The following PPIG variants were observed in gnomAD, a reference collection of about 807,000 sequenced individuals.
PPIG encodes peptidyl-prolyl cis-trans isomerase G.
A neutral mutation model predicts 87.9 loss-of-function variants in PPIG; 26 were observed. That is an observed-to-expected ratio of 0.30 (90% CI 0.22 to 0.41). PPIG has a LOEUF of 0.41. PPIG is among the 10% of genes least tolerant of loss of function. The pLI is 1.00. For synonymous variants in PPIG, 308 were observed against 276.5 expected, an observed-to-expected ratio of 1.11 and a Z score of -1.13; for missense variants, 722 against 879.4, an observed-to-expected ratio of 0.82 and a Z score of 2.26.
At chr2:169,611,951 A>G (rs562571682) in intron 7 of PPIG, among the ~76,000 whole-genome samples, 1 of 152,268 alleles carries the variant, frequency 6.6e-6, no homozygotes, top group Admixed American at 6.5e-5. Flanking sequence ...TTGTAAGTGT[A>G]CAATTCAGTC....
intron 9 of PPIG, among the ~76,000 whole-genome samples, chr2:169,629,908 C>G (rs911364867): frequency 1.3e-5 from 2 of 152,076 alleles, no homozygotes; most frequent in African/African-American, 4.8e-5. Flanking sequence ...TCACTGTGAA[C>G]TAATGTATTT....
chr2:169,603,727 G>T, intron 2 of PPIG, 33 bp downstream of exon 2: 1 of 297,086 alleles, frequency 3.4e-6, no homozygotes, highest in Non-Finnish European at 6.3e-6. Context: ...TAATCATACA[G>T]AGTAAATACA....
In PPIG at chr2:169,637,687, C is replaced by T. The variant is rs1214743721; in HGVS notation, c.*164C>T. ...TTCATTGAGTTGATTTTTTGATAAT[C>T]TGCAATCTGGATAATTTGTACTGCT... On this transcript the variant is annotated 3_prime_UTR_variant, in exon 14 of 14. Transcript: ENST00000260970. 41 of 699,542 alleles carry T rather than the reference C, an allele frequency of 5.9e-5. No individual in the cohort carries two copies. Among genetic ancestry groups the T allele is most frequent in the Non-Finnish European group, 9.0e-5 (41 of 454,252 alleles). 43.3% of individuals were successfully genotyped at this position (699,542 alleles called of 1,614,324 possible).
rs1685827505 is a variant in PPIG at position 169,624,241 on chromosome 2, C to T, written c.548-6533C>T. Reference sequence around the variant, plus strand: ...TTGACCTACCAAAGTGCTGGGATTACAGATATGAGCTATGGAATTTGGTTT... The same window carrying T: ...TTGACCTACCAAAGTGCTGGGATTATAGATATGAGCTATGGAATTTGGTTT... On this transcript the variant is annotated intron_variant, in intron 9 of 13. Transcript: ENST00000260970. 7.2e-5 allele frequency among the ~76,000 whole-genome samples: 11 copies of T among 152,248 alleles called. No individual in the cohort carries two copies. In the South Asian group the frequency reaches 2.3e-3, roughly 32 times the overall value.
In PPIG at chr2:169,606,027, T is replaced by G; in HGVS notation, c.137-12T>G. 1 of 1,568,586 alleles carries G rather than the reference T, an allele frequency of 6.4e-7. No individual in the cohort carries two copies. Among genetic ancestry groups the G allele is most frequent in the Non-Finnish European group, 8.7e-7 (1 of 1,143,932 alleles). On this transcript the variant is annotated splice_polypyrimidine_tract_variant and intron_variant, in intron 4 of 13. Transcript: ENST00000260970. The stretch of plus-strand genomic sequence containing the variant: ...CCTTTCTATTAAATGTCCTATTTTT[T>G]TATCTCTATAGGTGAAAAGGGGACC...
At position 169,630,781 on chromosome 2, in the gene PPIG, A is replaced by G. The variant is rs759867123; in HGVS notation, c.555A>G (p.Lys185=). 24 of 1,591,034 alleles carry G rather than the reference A, an allele frequency of 1.5e-5. No homozygotes were observed. Among genetic ancestry groups the G allele is most frequent in the Non-Finnish European group, 2.0e-5 (23 of 1,173,944 alleles). The change falls in exon 10 of 14, where the codon AAA becomes AAG. Residue 185 remains lysine (K), a synonymous_variant. Transcript: ENST00000260970. ...GELIPKSKVK[K]EEKKRHKSSS... is the part of the protein sequence containing the mutation. ...TTTTTGTTTTTATTAAAGTTAAGAA[A>G]GAAGAAAAGAAAAGGCATAAATCAT...
At chr2:169,626,278 C>T (rs1685885383) in intron 9 of PPIG, among the ~76,000 whole-genome samples, 1 of 152,170 alleles carries the variant, frequency 6.6e-6, no homozygotes, top group Non-Finnish European at 1.5e-5. Context: ...CCTTTTTACC[C>T]TTCTGTCCTT....
rs1574448868 is a variant in PPIG at position 169,608,867 on chromosome 2, G to C, written c.377+109G>C. ...GGAGGCTGAGGCGGGCGGATCACGA[G>C]GTCAGGAGATCGAGACCATCCTGGC... On this transcript the variant is annotated intron_variant, in intron 7 of 13. Transcript: ENST00000260970. 8.1e-6 allele frequency: 5 copies of C among 615,704 alleles called. No individual in the cohort carries two copies. The East Asian group carries it at 1.9e-4, about 23-fold the overall frequency. 38.1% of individuals were successfully genotyped at this position (615,704 alleles called of 1,614,324 possible).
chr2:169,592,149 G>T (rs1205443526), intron 1 of PPIG, among the ~76,000 whole-genome samples: 1 of 149,760 alleles, frequency 6.7e-6, no homozygotes, highest in East Asian at 2.0e-4. Flanking sequence ...GCTGGTCATG[G>T]ATATTTTATT....
intron 6 of PPIG, among the ~76,000 whole-genome samples, chr2:169,607,752 T>G (rs747753920): frequency 2.0e-5 from 3 of 152,242 alleles, no homozygotes; most frequent in Non-Finnish European, 4.4e-5. Context: ...CCTTTTGCGG[T>G]AAGTGATGCT....
At chr2:169,591,920 A>ATTTTTTTT (rs3067016) in intron 1 of PPIG, among the ~76,000 whole-genome samples, 20 of 87,410 alleles carry the variant, frequency 2.3e-4, no homozygotes, top group East Asian at 4.0e-4. Flanking sequence ...GCAATTCATG[A>ATTTTTTTT]TTTTTTTTTT....
intron 1 of PPIG, among the ~76,000 whole-genome samples, chr2:169,587,945 C>T (rs1684751893): frequency 6.6e-6 from 1 of 152,106 alleles, no homozygotes; most frequent in South Asian, 2.1e-4. Flanking sequence ...CACCTGAGGT[C>T]GGGAGTTCCA....
chr2:169,633,468 T>A (rs1010706786), intron 12 of PPIG: 25 of 563,196 alleles, frequency 4.4e-5, no homozygotes, highest in African/African-American at 4.4e-4. Context: ...TTACATGGTA[T>A]AAAATGGGAT....
intron 6 of PPIG, among the ~76,000 whole-genome samples, chr2:169,608,031 GT>G (rs1685380644): frequency 6.6e-6 from 1 of 152,080 alleles, no homozygotes; most frequent in East Asian, 1.9e-4. Context: ...GTGCTCAGCT[GT>G]TTCTTGCTTT....
At chr2:169,636,300 G>A (rs1686179211) in intron 13 of PPIG, 72 bp downstream of exon 13, 1 of 1,491,878 alleles carries the variant, frequency 6.7e-7, no homozygotes, top group Admixed American at 2.4e-5. Flanking sequence ...TAAAGTTATT[G>A]TCATTTTAGT....
At chr2:169,612,225 C>G (rs1437059560) in intron 7 of PPIG, among the ~76,000 whole-genome samples, 3 of 152,120 alleles carry the variant, frequency 2.0e-5, no homozygotes, top group East Asian at 3.9e-4. Flanking sequence ...TACCATTTCC[C>G]CTTTCCCCCA....
chr2:169,604,326 G>A, intron 4 of PPIG, 65 bp downstream of exon 4: 1 of 488,308 alleles, frequency 2.0e-6, no homozygotes, highest in Non-Finnish European at 3.1e-6. Context: ...TTGCTTGCTT[G>A]GTTTTTTTTT....
intron 1 of PPIG, among the ~76,000 whole-genome samples, chr2:169,594,574 C>G (rs1330444854): frequency 1.3e-5 from 2 of 150,342 alleles, no homozygotes; most frequent in African/African-American, 4.9e-5. Context: ...ACTATTTTGT[C>G]ATTCATGAAC....
intron 1 of PPIG, among the ~76,000 whole-genome samples, chr2:169,599,824 C>T (rs1264521804): frequency 1.3e-5 from 2 of 152,156 alleles, no homozygotes; most frequent in Non-Finnish European, 2.9e-5. Flanking sequence ...GCCCCCATTC[C>T]TAAGCACTGC....
Sources: gnomAD v4.1 joint callset for allele counts (sites outside exome capture counted in the v4.1 genomes callset) on GRCh38, gnomAD v4.1.1 for gene constraint, MANE v1.5 for transcripts, NCBI Gene and HGNC (gene_info 2026-07-23, HGNC 2026-07-21) for gene names.